MTMR2: variants seen among roughly 807,000 people sequenced by gnomAD.
MTMR2 encodes the protein phosphatidylinositol-3,5-bisphosphate 3-phosphatase MTMR2.
Under a neutral mutation model 86.9 loss-of-function variants are expected in MTMR2, and 55 were observed. The observed-to-expected ratio is 0.63, with a 90% confidence interval of 0.51 to 0.79. The LOEUF is 0.79. MTMR2 is among the 30% of genes least tolerant of loss of function. MTMR2 has a pLI of 0.00. For missense variants in MTMR2, 659 were observed against 772.3 expected (o/e 0.85, Z 1.74); for synonymous variants, 241 against 266.8 (o/e 0.90, Z 0.94).
rs761433068 is a variant in MTMR2 at position 95,849,708 on chromosome 11, T to C, written c.959A>G (p.Asp320Gly). 1.2e-6 allele frequency: 2 copies of C among 1,614,004 alleles called. No homozygotes were observed. The highest frequency in any genetic ancestry group is 1.7e-6 in the Non-Finnish European group (2 of 1,179,974). Residue 320 changes from aspartate (D) to glycine (G), a missense_variant, in exon 9 of 15, where the codon GAT (aspartate) becomes GGT (glycine). Physicochemically the swap from Asp to Gly is moderately conservative, Grantham distance 94. Transcript: ENST00000346299. Reference sequence around the variant, plus strand: ...AACAGCATTAACACTTGGCCGGGCATCAAATATAAAGATTTTGTGAGACTG... The same window carrying C: ...AACAGCATTAACACTTGGCCGGGCACCAAATATAAAGATTTTGTGAGACTG... ...NAQSHKIFIF[D>G]ARPSVNAVAN...
chr11:95,891,375 T>C (rs1055844234), intron 1 of MTMR2, among the ~76,000 whole-genome samples: 1 of 151,078 alleles, frequency 6.6e-6, no homozygotes. Context: ...CATTTGAACC[T>C]GGCAGGTAGA....
chr11:95,842,189 A>G (rs1863577414), intron 11 of MTMR2, among the ~76,000 whole-genome samples: 1 of 152,164 alleles, frequency 6.6e-6, no homozygotes, highest in Non-Finnish European at 1.5e-5. Flanking sequence ...TGATGTGCAA[A>G]CTGCTCAGAT....
chr11:95,869,549 T>G (rs1326885695), intron 2 of MTMR2, among the ~76,000 whole-genome samples: 1 of 152,204 alleles, frequency 6.6e-6, no homozygotes. Flanking sequence ...GACTCCTAAC[T>G]ACTATATTCT....
chr11:95,889,521 G>A (rs1179955121), intron 1 of MTMR2, among the ~76,000 whole-genome samples: 1 of 131,620 alleles, frequency 7.6e-6, no homozygotes, highest in African/African-American at 2.8e-5. Context: ...TTTTTGGGGG[G>A]GGAGGGGGGC....
chr11:95,865,205 A>G (rs1036460248), intron 3 of MTMR2, among the ~76,000 whole-genome samples: 2 of 152,196 alleles, frequency 1.3e-5, no homozygotes, highest in Non-Finnish European at 2.9e-5. Context: ...AGATATTTTA[A>G]GAAAAATTAC....
intron 11 of MTMR2, among the ~76,000 whole-genome samples, chr11:95,844,445 A>T (rs1480990382): frequency 6.6e-6 from 1 of 152,146 alleles, no homozygotes; most frequent in East Asian, 1.9e-4. Context: ...ACCCACATAC[A>T]CAGAGGGCCA....
Position 95,869,393 on chromosome 11 carries a change from G to A in MTMR2, c.187-3717C>T, listed in dbSNP as rs144839336. ...AGAAGCATCAACAGAAGTTTTCACC[G>A]CCTTTTACCAAAATGGCCTATTGAC... On this transcript the variant is annotated intron_variant, in intron 2 of 14. Coordinates refer to ENST00000346299, the MANE Select transcript of MTMR2 (RefSeq NM_016156.6). Among the ~76,000 whole-genome samples, 307 of 152,148 alleles carry A rather than the reference G, an allele frequency of 2.0e-3. 4 individuals are homozygous for A. Among genetic ancestry groups the A allele is most frequent in the African/African-American group, 6.8e-3 (284 of 41,528 alleles).
chr11:95,880,171 G>C (rs1337821413), intron 2 of MTMR2, among the ~76,000 whole-genome samples: 1 of 152,014 alleles, frequency 6.6e-6, no homozygotes, highest in Admixed American at 6.6e-5. Context: ...AAAAAGAACT[G>C]AGGTAAACAG....
In MTMR2 at chr11:95,891,988, G is replaced by T. The variant is rs1238173793; in HGVS notation, c.81-3727C>A. On this transcript the variant is annotated intron_variant, in intron 1 of 14. Coordinates refer to ENST00000346299, the MANE Select transcript of MTMR2 (RefSeq NM_016156.6). ...AAGTGCTGCCTTTAGCAGCTACTCA[G>T]ACTGAAGGTGGCCGTGGGCACAGTA... Among the ~76,000 whole-genome samples, 61 of 152,170 alleles carry T rather than the reference G, an allele frequency of 4.0e-4. 1 individual carries two copies. Among genetic ancestry groups the T allele is most frequent in the Admixed American group, 4.0e-3 (61 of 15,274 alleles).
intron 1 of MTMR2, among the ~76,000 whole-genome samples, chr11:95,923,277 A>T (rs537149864): frequency 1.3e-5 from 2 of 152,340 alleles, no homozygotes; most frequent in Non-Finnish European, 2.9e-5. Context: ...AGATTCCTTG[A>T]TACTGACTTT....
In MTMR2 at chr11:95,924,049, A is replaced by G. The variant is rs1479051587; in HGVS notation, c.-95T>C. 6.7e-7 allele frequency: 1 copy of G among 1,482,896 alleles called. No individual in the cohort carries two copies. Among genetic ancestry groups the G allele is most frequent in the Non-Finnish European group, 9.2e-7 (1 of 1,087,110 alleles). The allele number at this position is 1,482,896 out of a possible 1,614,324, so 91.9% of individuals were successfully genotyped here. A position where few individuals can be genotyped will look rare whatever the true frequency, so the allele number is the denominator to read the frequency against. The stretch of plus-strand genomic sequence containing the variant: ...GCGGAGTGCTACGGACCGGGGCCGC[A>G]GTCAGGCCAGCGCCGGCCCGGGAGG... On this transcript the variant is annotated 5_prime_UTR_variant, in exon 1 of 15. Coordinates refer to ENST00000346299, the MANE Select transcript of MTMR2 (RefSeq NM_016156.6).
intron 2 of MTMR2, among the ~76,000 whole-genome samples, chr11:95,872,296 T>C (rs1254127985): frequency 2.0e-5 from 3 of 152,222 alleles, no homozygotes; most frequent in Non-Finnish European, 2.9e-5. Flanking sequence ...TTTTATTTCA[T>C]TGAGCAGTGG....
At chr11:95,837,983 A>G in intron 13 of MTMR2, 111 bp downstream of exon 13, 1 of 734,906 alleles carries the variant, frequency 1.4e-6, no homozygotes. Context: ...CATGTAAGAT[A>G]AAGTATGACC....
chr11:95,833,320 G>A lies in MTMR2; in HGVS notation c.*1970C>T, dbSNP rs1024223754. 1 of 152,026 alleles carries A rather than the reference G, an allele frequency of 6.6e-6. No homozygotes were observed. Among genetic ancestry groups the A allele is most frequent in the African/African-American group, 2.4e-5 (1 of 41,398 alleles). The allele number at this position is 152,026 out of a possible 1,614,324, so 9.4% of individuals were successfully genotyped here. ...TAAATTTTGTAACCCTAATCAAAAAGGGAAAAAATTACACCTGCACAACCA... is the reference window on the plus strand; with the variant it reads ...TAAATTTTGTAACCCTAATCAAAAAAGGAAAAAATTACACCTGCACAACCA... On this transcript the variant is annotated 3_prime_UTR_variant, in exon 15 of 15. Transcript: ENST00000346299.
At chr11:95,847,173 C>T (rs1863827826) in intron 10 of MTMR2, among the ~76,000 whole-genome samples, 1 of 152,170 alleles carries the variant, frequency 6.6e-6, no homozygotes, top group South Asian at 2.1e-4. Flanking sequence ...CACTCCACCT[C>T]ATTTCCCTGA....
At chr11:95,911,429 G>C (rs574355218) in intron 1 of MTMR2, among the ~76,000 whole-genome samples, 1 of 152,260 alleles carries the variant, frequency 6.6e-6, no homozygotes, top group Non-Finnish European at 1.5e-5. Context: ...AATAAATAAA[G>C]AGGTGAAAGC....
chr11:95,870,821 A>G (rs569812442), intron 2 of MTMR2, among the ~76,000 whole-genome samples: 286 of 146,274 alleles, frequency 2.0e-3, no homozygotes, highest in African/African-American at 6.7e-3. Flanking sequence ...GTGCCATGTT[A>G]GTGTGTTGCA....
intron 1 of MTMR2, 119 bp downstream of exon 1, chr11:95,923,756 G>A (rs1867021040): frequency 2.0e-6 from 3 of 1,484,072 alleles, no homozygotes; most frequent in Non-Finnish European, 2.7e-6. Context: ...TCCCGGGGAA[G>A]GAATTCCGGC....
At chr11:95,849,590 T>G in intron 9 of MTMR2, 84 bp downstream of exon 9, 1 of 1,221,418 alleles carries the variant, frequency 8.2e-7, no homozygotes, top group South Asian at 1.2e-5. Flanking sequence ...CTGTAGAGCC[T>G]GAGCTCTTTT....
Sources: gnomAD v4.1 joint callset for allele counts (sites outside exome capture counted in the v4.1 genomes callset) on GRCh38, gnomAD v4.1.1 for gene constraint, MANE v1.5 for transcripts, NCBI Gene and HGNC (gene_info 2026-07-23, HGNC 2026-07-21) for gene names.